RBFOX3: variants seen among roughly 807,000 people sequenced by gnomAD.
RBFOX3 encodes the protein RNA binding protein fox-1 homolog 3.
Under a neutral mutation model 48.7 loss-of-function variants are expected in RBFOX3, and 17 were observed. The ratio of observed to expected loss-of-function variants is 0.35; its 90% CI spans 0.24 to 0.52. The LOEUF (loss-of-function observed/expected upper bound fraction) is 0.52, where lower values mean the gene tolerates loss of function less well. Among genes scored for constraint, RBFOX3 ranks in the 20% least tolerant of loss-of-function variants. The probability of loss-of-function intolerance (pLI) is 0.94; values close to 1 mark genes in which losing one functional copy is unlikely to be tolerated. For missense variants in RBFOX3, 382 were observed against 497.5 expected (o/e 0.77, Z 2.21); for synonymous variants, 212 against 209.5 (o/e 1.01, Z -0.10).
chr17:79,523,349 G>A (rs1333160245), intron 1 of RBFOX3, among the ~76,000 whole-genome samples: 1 of 152,192 alleles, frequency 6.6e-6, no homozygotes, highest in Non-Finnish European at 1.5e-5. Flanking sequence ...AATGTCTCAA[G>A]TGTGGAACTG....
chr17:79,611,189 C>CGCTCTCCGCCCTCCT (rs2093965929), upstream of RBFOX3, among the ~76,000 whole-genome samples: 2 of 119,856 alleles, frequency 1.7e-5, no homozygotes, highest in Non-Finnish European at 3.5e-5. Context: ...CTCCTTCTCT[C>CGCTCTCCGCCCTCCT]TCTCTCTCTC....
In RBFOX3 at chr17:79,103,925, G is replaced by A. The variant is rs1463042703; in HGVS notation, c.414+148C>T. ...AGCTGGGGTGGGGGCGGGGCGGGTG[G>A]GGGCGGAAGAGCGGGGAATACAAGC... On this transcript the variant is annotated intron_variant, in intron 7 of 14. Transcript: ENST00000693108. The surrounding 1 kb of genome is among the most constrained non-coding windows in gnomAD (Gnocchi z 6.1). 3.0e-6 allele frequency: 2 copies of A among 674,014 alleles called. No homozygotes were observed. Among genetic ancestry groups the A allele is most frequent in the Non-Finnish European group, 5.2e-6 (2 of 383,300 alleles). 41.8% of individuals were successfully genotyped at this position (674,014 alleles called of 1,614,324 possible). A position where few individuals can be genotyped will look rare whatever the true frequency, so the allele number is the denominator to read the frequency against.
intron 1 of RBFOX3, among the ~76,000 whole-genome samples, chr17:79,547,464 A>G (rs1323515400): frequency 5.3e-5 from 8 of 151,638 alleles, no homozygotes; most frequent in Non-Finnish European, 1.0e-4. Context: ...CGAAACAAAA[A>G]CAAAAACAAA....
chr17:79,415,034 C>T (rs1445863268), intron 2 of RBFOX3, among the ~76,000 whole-genome samples: 1 of 152,180 alleles, frequency 6.6e-6, no homozygotes, highest in Non-Finnish European at 1.5e-5. Flanking sequence ...TCGCCACGGT[C>T]CACATGCGGA....
intron 5 of RBFOX3, 118 bp from the exon 6 acceptor site, chr17:79,106,906 C>T: frequency 7.6e-7 from 1 of 1,311,200 alleles, no homozygotes; most frequent in Non-Finnish European, 1.0e-6. Context: ...TGGGCCTCTC[C>T]CCCATCCCTG....
At chr17:79,246,261 C>T (rs1264156346) in intron 3 of RBFOX3, among the ~76,000 whole-genome samples, 3 of 152,322 alleles carry the variant, frequency 2.0e-5, no homozygotes, top group Middle Eastern at 3.4e-3. Flanking sequence ...TGTGTGCCTC[C>T]GGGAGAGCCA....
intron 1 of RBFOX3, among the ~76,000 whole-genome samples, chr17:79,544,917 T>TA (rs1474429406): frequency 1.1e-4 from 8 of 71,414 alleles, no homozygotes; most frequent in South Asian, 7.8e-4. Context: ...CAGCAAGGGA[T>TA]AAAAAATAAC....
At chr17:79,267,902 G>A (rs2066985190) in intron 3 of RBFOX3, among the ~76,000 whole-genome samples, 1 of 152,136 alleles carries the variant, frequency 6.6e-6, no homozygotes, top group Admixed American at 6.5e-5. Context: ...CGGGAAGGAG[G>A]TGTCTCTCCA....
Position 79,477,281 on chromosome 17 carries a change from G to A in RBFOX3, c.-175+5173C>T, listed in dbSNP as rs1465075143. Among the ~76,000 whole-genome samples the A allele has an allele frequency of 3.4e-5, 5 of 148,316 alleles. No homozygotes were observed. The East Asian group carries it at 7.9e-4, about 24-fold the overall frequency. On this transcript the variant is annotated intron_variant, in intron 2 of 14. Coordinates refer to ENST00000693108, the MANE Select transcript of RBFOX3 (RefSeq NM_001350451.2). This position sits in a 1 kb window ranked among gnomAD's most constrained non-coding sequence, Gnocchi z 4.8. Reference sequence around the variant, plus strand: ...TTAAAAAAAAAAAAAAAAAAAGAGGGCGCGGTGGCTCACACCTGTAATCCC... The same window carrying A: ...TTAAAAAAAAAAAAAAAAAAAGAGGACGCGGTGGCTCACACCTGTAATCCC...
In RBFOX3 at chr17:79,172,831, T is replaced by C. The variant is rs148206983; in HGVS notation, c.-33-57083A>G. Reference sequence around the variant, plus strand: ...CTCATAGTTTATCTCATCCTGATTATTCTGGGGGATAAGATTTGAGCTATG... The same window carrying C: ...CTCATAGTTTATCTCATCCTGATTACTCTGGGGGATAAGATTTGAGCTATG... On this transcript the variant is annotated intron_variant, in intron 4 of 14. Coordinates refer to ENST00000693108, the MANE Select transcript of RBFOX3 (RefSeq NM_001350451.2). 1.0e-3 allele frequency among the ~76,000 whole-genome samples: 158 copies of C among 152,334 alleles called. 1 individual carries two copies. Among genetic ancestry groups the C allele is most frequent in the African/African-American group, 3.7e-3 (155 of 41,582 alleles).
At chr17:79,310,650 C>A (rs950168358) in intron 2 of RBFOX3, among the ~76,000 whole-genome samples, 2 of 152,224 alleles carry the variant, frequency 1.3e-5, no homozygotes, top group African/African-American at 4.8e-5. Flanking sequence ...CCTCCACCCT[C>A]CTCCCGCATT....
the RBFOX3 span, among the ~76,000 whole-genome samples, chr17:79,636,906 T>C: frequency 1.3e-5 from 2 of 152,176 alleles, no homozygotes; most frequent in African/African-American, 4.8e-5. Flanking sequence ...TTCAACAACA[T>C]GCTGCCTATA....
In RBFOX3 at chr17:79,476,059, A is replaced by G. The variant is rs1051863057; in HGVS notation, c.-175+6395T>C. Among the ~76,000 whole-genome samples the G allele has an allele frequency of 2.4e-4, 36 of 152,134 alleles. 1 individual carries two copies. The highest frequency in any genetic ancestry group is 8.4e-4 in the African/African-American group (35 of 41,430). ...CTGACTGTCCTGGGGGCTGCACCTG[A>G]CACCCTGTGCTCTGGGGGCCACTGA... On this transcript the variant is annotated intron_variant, in intron 2 of 14. Coordinates refer to ENST00000693108, the MANE Select transcript of RBFOX3 (RefSeq NM_001350451.2).
Position 79,432,244 on chromosome 17 carries a change from G to A in RBFOX3, c.-175+50210C>T, listed in dbSNP as rs913981081. 7.9e-5 allele frequency among the ~76,000 whole-genome samples: 12 copies of A among 152,202 alleles called. 1 individual carries two copies. Among genetic ancestry groups the A allele is most frequent in the African/African-American group, 2.2e-4 (9 of 41,450 alleles). On this transcript the variant is annotated intron_variant, in intron 2 of 14. Coordinates refer to ENST00000693108, the MANE Select transcript of RBFOX3 (RefSeq NM_001350451.2). ...CCACCTCTTGGCTCTTGTGAATAAC[G>A]CTACTATGAACCGAGTGTGCACATG...
intron 2 of RBFOX3, among the ~76,000 whole-genome samples, chr17:79,369,221 C>T (rs1184661185): frequency 6.6e-6 from 1 of 152,144 alleles, no homozygotes; most frequent in Non-Finnish European, 1.5e-5. Context: ...CGGGGTTGAC[C>T]TGTGGCACCG....
At chr17:79,632,997 C>T in the RBFOX3 span, among the ~76,000 whole-genome samples, 16 of 152,210 alleles carry the variant, frequency 1.1e-4, no homozygotes, top group Admixed American at 2.6e-4. Context: ...CCCTGAGATA[C>T]CCAAGTTTGG....
intron 4 of RBFOX3, among the ~76,000 whole-genome samples, chr17:79,203,688 A>T (rs897688793): frequency 1.3e-5 from 2 of 152,016 alleles, no homozygotes; most frequent in Admixed American, 1.3e-4. Context: ...AGAAGCTTTG[A>T]AAAAGGAAAA....
At chr17:79,442,657 C>T (rs1161037384) in intron 2 of RBFOX3, among the ~76,000 whole-genome samples, 1 of 152,120 alleles carries the variant, frequency 6.6e-6, no homozygotes, top group Non-Finnish European at 1.5e-5. Context: ...GCTGCTGGTG[C>T]TCCAACCTCA....
At chr17:79,510,554 C>T (rs1007612299) in intron 1 of RBFOX3, among the ~76,000 whole-genome samples, 7 of 152,190 alleles carry the variant, frequency 4.6e-5, no homozygotes, top group East Asian at 1.9e-4. Context: ...TAACATTCCC[C>T]GTGTAAAGTT....
Sources: gnomAD v4.1 joint callset for allele counts (sites outside exome capture counted in the v4.1 genomes callset) on GRCh38, gnomAD v4.1.1 for gene constraint, Gnocchi (gnomAD v3.1) non-coding constraint, MANE v1.5 for transcripts, NCBI Gene and HGNC (gene_info 2026-07-23, HGNC 2026-07-21) for gene names.